TANC2: variants seen among roughly 807,000 people sequenced by gnomAD.
TANC2 encodes the protein tetratricopeptide repeat, ankyrin repeat and coiled-coil containing 2.
TANC2 carries 26 observed loss-of-function variants against 210.5 expected under a neutral mutation model. The observed-to-expected ratio is 0.12, with a 90% CI of 0.09 to 0.17. The LOEUF (loss-of-function observed/expected upper bound fraction) is 0.17. Among genes scored for constraint, TANC2 ranks in the 10% least tolerant of loss-of-function variants. The pLI, the probability that TANC2 is intolerant of heterozygous loss-of-function variation, is 1.00. For missense variants in TANC2, 2,129 were observed against 2,608.9 expected (o/e 0.82, Z 4.01); for synonymous variants, 931 against 967.1 (o/e 0.96, Z 0.69).
At chr17:63,106,888 A>G (rs1353828182) in intron 4 of TANC2, among the ~76,000 whole-genome samples, 4 of 151,564 alleles carry the variant, frequency 2.6e-5, no homozygotes, top group Non-Finnish European at 5.9e-5. Context: ...TGTAGTGTTT[A>G]TTTATAAAAG....
intron 19 of TANC2, among the ~76,000 whole-genome samples, chr17:63,401,704 C>A (rs1465166874): frequency 2.0e-5 from 3 of 152,152 alleles, no homozygotes; most frequent in African/African-American, 7.2e-5. Context: ...TCTTAGGGAA[C>A]ACCACAGAAG....
At chr17:63,310,000 C>A (rs72845254) in intron 9 of TANC2, among the ~76,000 whole-genome samples, 21,512 of 151,988 alleles carry the variant, frequency 0.14, 1,972 homozygotes, top group Middle Eastern at 0.21. Context: ...CTACTCTATA[C>A]CAGACTCAAA....
chr17:63,222,049 A>G (rs553973106), intron 7 of TANC2, among the ~76,000 whole-genome samples: 1 of 152,340 alleles, frequency 6.6e-6, no homozygotes, highest in Non-Finnish European at 1.5e-5. Flanking sequence ...CAATAGAAAT[A>G]TATTTCTCAC....
intron 7 of TANC2, among the ~76,000 whole-genome samples, chr17:63,222,740 C>CACACACAT (rs1428421419): frequency 1.3e-5 from 2 of 152,016 alleles, no homozygotes; most frequent in African/African-American, 4.8e-5. Context: ...CACACACACA[C>CACACACAT]ACACACACAT....
Position 63,420,542 on chromosome 17 carries a change from T to A in TANC2, c.4812T>A (p.Pro1604=). The A allele has an allele frequency of 1.2e-6, 2 of 1,613,886 alleles. No individual in the cohort carries two copies. The highest frequency in any genetic ancestry group is 1.7e-6 in the Non-Finnish European group (2 of 1,179,828). The change falls in exon 28 of 28, where the codon CCT becomes CCA. Residue 1604 remains proline (P), a synonymous_variant. Transcript: ENST00000689528. This position sits in a 1 kb window ranked among gnomAD's most constrained non-coding sequence, Gnocchi z 4.2. ...GATCTTACCGTTTCAGCCCCCCTCCTGTGGGAGGACAGGGCAAAGAATACC... is the reference window on the plus strand; with the variant it reads ...GATCTTACCGTTTCAGCCCCCCTCCAGTGGGAGGACAGGGCAAAGAATACC...
chr17:63,427,023 T>A (rs1042283698), exon 28 of TANC2: 10 of 152,232 alleles, frequency 6.6e-5, no homozygotes, highest in Non-Finnish European at 1.2e-4. Flanking sequence ...CTCCACTTCA[T>A]TCACAGGTGA....
At chr17:63,234,259 C>G (rs752555363) in intron 7 of TANC2, among the ~76,000 whole-genome samples, 1 of 152,092 alleles carries the variant, frequency 6.6e-6, no homozygotes, top group Non-Finnish European at 1.5e-5. Context: ...AACACTTCAC[C>G]AATACTGAAT....
chr17:63,302,616 T>C, intron 9 of TANC2, among the ~76,000 whole-genome samples: 1 of 141,994 alleles, frequency 7.0e-6, no homozygotes, highest in Non-Finnish European at 1.5e-5. Context: ...TTTTTTTTTT[T>C]TTTTTTTTTT....
intron 7 of TANC2, among the ~76,000 whole-genome samples, chr17:63,231,023 C>CT (rs2146001343): frequency 6.6e-6 from 1 of 152,164 alleles, no homozygotes; most frequent in Non-Finnish European, 1.5e-5. Flanking sequence ...ATGTAATGCC[C>CT]TTCTTTGTCT....
chr17:63,162,314 A>G (rs774558886), intron 5 of TANC2, among the ~76,000 whole-genome samples: 4 of 151,834 alleles, frequency 2.6e-5, no homozygotes, highest in Non-Finnish European at 5.9e-5. Context: ...AAAAAAAAAA[A>G]ACAAAACTGA....
chr17:63,359,673 G>C (rs915548746), intron 14 of TANC2, among the ~76,000 whole-genome samples: 2 of 152,114 alleles, frequency 1.3e-5, no homozygotes, highest in African/African-American at 4.8e-5. Context: ...TTAAATGTTT[G>C]AATAAGATAC....
intron 1 of TANC2, among the ~76,000 whole-genome samples, chr17:62,970,339 G>A (rs1481989205): frequency 6.6e-6 from 1 of 152,062 alleles, no homozygotes; most frequent in African/African-American, 2.4e-5. Flanking sequence ...TATTTGTATT[G>A]GTTACTGGTT....
At chr17:63,103,847 T>C (rs2037723938) in intron 4 of TANC2, among the ~76,000 whole-genome samples, 1 of 152,192 alleles carries the variant, frequency 6.6e-6, no homozygotes, top group Non-Finnish European at 1.5e-5. Flanking sequence ...CATACTCTTA[T>C]TAGCTTGTGT....
intron 1 of TANC2, among the ~76,000 whole-genome samples, chr17:62,991,776 T>C (rs2032883268): frequency 6.6e-6 from 1 of 151,912 alleles, no homozygotes; most frequent in Admixed American, 6.6e-5. Context: ...AAATGATGAA[T>C]CCAGGATTCC....
chr17:63,045,651 A>G (rs1473970999), intron 2 of TANC2, among the ~76,000 whole-genome samples: 1 of 151,988 alleles, frequency 6.6e-6, no homozygotes, highest in Non-Finnish European at 1.5e-5. Context: ...GAGAAAGCCA[A>G]TTTTCCCCAC....
chr17:62,967,740 G>A (rs2031435213), intron 1 of TANC2: 1 of 152,038 alleles, frequency 6.6e-6, no homozygotes, highest in Non-Finnish European at 1.5e-5. Context: ...GGCATTTTGA[G>A]GGGTTGGAGC....
chr17:63,401,030 G>A (rs1367855196), intron 19 of TANC2, among the ~76,000 whole-genome samples: 1 of 152,136 alleles, frequency 6.6e-6, no homozygotes, highest in African/African-American at 2.4e-5. Flanking sequence ...TTATGTGGCA[G>A]TGACCCTAGA....
At chr17:63,129,781 T>A (rs1471953581) in intron 4 of TANC2, among the ~76,000 whole-genome samples, 1 of 152,058 alleles carries the variant, frequency 6.6e-6, no homozygotes, top group African/African-American at 2.4e-5. Context: ...CTTATATATC[T>A]ATACAGTTAT....
At position 62,987,011 on chromosome 17, in the gene TANC2, G is replaced by C. The variant is rs139675002; in HGVS notation, c.-24+20262G>C. On this transcript the variant is annotated intron_variant, in intron 1 of 27. Coordinates refer to ENST00000689528, the Ensembl canonical transcript of TANC2. ...GCAGGGAATGGTGCACTGCCGGGCT[G>C]TTTCTCATGCCCTGCATATGAACAT... Among the ~76,000 whole-genome samples the C allele has an allele frequency of 1.1e-3, 163 of 152,280 alleles. 2 individuals are homozygous for C. The highest frequency in any genetic ancestry group is 6.8e-3 in the Middle Eastern group (2 of 292).
Sources: gnomAD v4.1 joint callset for allele counts (sites outside exome capture counted in the v4.1 genomes callset) on GRCh38, gnomAD v4.1.1 for gene constraint, Gnocchi (gnomAD v3.1) non-coding constraint, MANE v1.5 for transcripts, NCBI Gene and HGNC (gene_info 2026-07-23, HGNC 2026-07-21) for gene names.